RCAN2: variants seen among roughly 807,000 people sequenced by gnomAD.
RCAN2 encodes the protein calcipressin-2.
RCAN2 carries 9 observed loss-of-function variants against 23.6 expected under a neutral mutation model. The observed-to-expected ratio is 0.38, with a 90% CI of 0.23 to 0.67. The LOEUF is 0.67. RCAN2 is among the 30% of genes least tolerant of loss of function. RCAN2 has a pLI of 0.51. For missense variants in RCAN2, 273 were observed against 302.3 expected (o/e 0.90, Z 0.72); for synonymous variants, 109 against 115.7 (o/e 0.94, Z 0.37).
intron 1 of RCAN2, among the ~76,000 whole-genome samples, chr6:46,477,887 A>G (rs1176315253): frequency 6.6e-6 from 1 of 152,208 alleles, no homozygotes; most frequent in Non-Finnish European, 1.5e-5. Flanking sequence ...CTCTAAGTAT[A>G]TGCAAATGTT....
chr6:46,254,667 A>T (rs1407148913), intron 2 of RCAN2, among the ~76,000 whole-genome samples: 2 of 152,156 alleles, frequency 1.3e-5, no homozygotes, highest in Admixed American at 1.3e-4. Context: ...AATGAAACTA[A>T]CAAAGAGGGA....
intron 2 of RCAN2, among the ~76,000 whole-genome samples, chr6:46,348,596 C>T (rs916195927): frequency 6.6e-6 from 1 of 152,130 alleles, no homozygotes; most frequent in African/African-American, 2.4e-5. Flanking sequence ...GCTCAGGCTC[C>T]AATTTTGTTC....
At chr6:46,418,745 A>G (rs948057985) in intron 2 of RCAN2, among the ~76,000 whole-genome samples, 1 of 145,986 alleles carries the variant, frequency 6.8e-6, no homozygotes, top group Non-Finnish European at 1.5e-5. Flanking sequence ...TTGCAGGTAA[A>G]TGGATTAAGA....
chr6:46,236,247 C>T (rs1766089914), intron 4 of RCAN2, among the ~76,000 whole-genome samples: 1 of 152,178 alleles, frequency 6.6e-6, no homozygotes, highest in Admixed American at 6.5e-5. Flanking sequence ...AGGCTGCATC[C>T]CACGGTAGTG....
At chr6:46,458,603 T>C (rs1768115539) in intron 1 of RCAN2, among the ~76,000 whole-genome samples, 1 of 152,092 alleles carries the variant, frequency 6.6e-6, no homozygotes, top group Non-Finnish European at 1.5e-5. Flanking sequence ...TAAATAAAAA[T>C]ATGGTACATG....
intron 2 of RCAN2, among the ~76,000 whole-genome samples, chr6:46,361,092 A>G (rs1000617731): frequency 6.6e-6 from 1 of 152,230 alleles, no homozygotes; most frequent in South Asian, 2.1e-4. Context: ...CAAATTTCTG[A>G]ACACCTCTGT....
intron 2 of RCAN2, among the ~76,000 whole-genome samples, chr6:46,389,595 A>T (rs1765869147): frequency 6.6e-6 from 1 of 152,224 alleles, no homozygotes; most frequent in Non-Finnish European, 1.5e-5. Context: ...AGGGCTTAGT[A>T]CTTTGCTGAT....
At chr6:46,373,982 C>G (rs182421032) in intron 2 of RCAN2, among the ~76,000 whole-genome samples, 1 of 152,190 alleles carries the variant, frequency 6.6e-6, no homozygotes, top group Non-Finnish European at 1.5e-5. Context: ...CATGTCAACC[C>G]AGCACTTTGA....
At chr6:46,474,249 G>A (rs1561920533) in intron 1 of RCAN2, among the ~76,000 whole-genome samples, 1 of 152,048 alleles carries the variant, frequency 6.6e-6, no homozygotes, top group Non-Finnish European at 1.5e-5. Flanking sequence ...AACATTCCAG[G>A]CTAAGGAAAA....
At chr6:46,320,439 CA>C (rs2150361714) in intron 2 of RCAN2, among the ~76,000 whole-genome samples, 1 of 152,328 alleles carries the variant, frequency 6.6e-6, no homozygotes, top group South Asian at 2.1e-4. Context: ...GTTTGTATGA[CA>C]GAGAGATTTC....
chr6:46,414,447 G>A (rs1335329538), intron 2 of RCAN2, among the ~76,000 whole-genome samples: 2 of 152,208 alleles, frequency 1.3e-5, no homozygotes, highest in Non-Finnish European at 2.9e-5. Context: ...AGATGGCTAT[G>A]ATGGTTAAGC....
intron 4 of RCAN2, among the ~76,000 whole-genome samples, chr6:46,243,798 A>G (rs1302183699): frequency 8.1e-6 from 1 of 124,154 alleles, no homozygotes; most frequent in Non-Finnish European, 1.7e-5. Context: ...TGACAGGGTA[A>G]GATTCTGTCT....
intron 2 of RCAN2, among the ~76,000 whole-genome samples, chr6:46,306,178 G>A (rs187551372): frequency 1.3e-5 from 2 of 152,230 alleles, no homozygotes; most frequent in Admixed American, 1.3e-4. Flanking sequence ...GGGGCTGTAT[G>A]GCTCCAAGAC....
intron 4 of RCAN2, among the ~76,000 whole-genome samples, chr6:46,234,635 C>T (rs1393506593): frequency 6.6e-6 from 1 of 152,242 alleles, no homozygotes; most frequent in African/African-American, 2.4e-5. Context: ...AGAAAGGAGG[C>T]CAGGACCAAA....
chr6:46,353,468 T>C (rs539873231), intron 2 of RCAN2, among the ~76,000 whole-genome samples: 1 of 152,214 alleles, frequency 6.6e-6, no homozygotes, highest in African/African-American at 2.4e-5. Flanking sequence ...AGTAAATAAA[T>C]TCCAAAAGTA....
At chr6:46,290,234 G>A (rs1469967456) in intron 2 of RCAN2, among the ~76,000 whole-genome samples, 1 of 152,062 alleles carries the variant, frequency 6.6e-6, no homozygotes, top group African/African-American at 2.4e-5. Flanking sequence ...TATCCATTTG[G>A]TACTCTAAGA....
intron 2 of RCAN2, among the ~76,000 whole-genome samples, chr6:46,377,169 G>C (rs1203510425): frequency 6.6e-6 from 1 of 152,140 alleles, no homozygotes; most frequent in Non-Finnish European, 1.5e-5. Flanking sequence ...TCTGAAAGTG[G>C]GTGGGGGCAA....
chr6:46,271,986 C>T (rs1767536579), intron 2 of RCAN2, among the ~76,000 whole-genome samples: 2 of 152,180 alleles, frequency 1.3e-5, no homozygotes, highest in African/African-American at 4.8e-5. Context: ...CAGCCTTTAA[C>T]ACTGTTCAGA....
intron 2 of RCAN2, among the ~76,000 whole-genome samples, chr6:46,349,773 G>A (rs1460948240): frequency 1.3e-5 from 2 of 151,998 alleles, no homozygotes; most frequent in Non-Finnish European, 2.9e-5. Context: ...CTCTCACCTG[G>A]ACTAATGCCA....
Sources: allele counts gnomAD v4.1 joint callset (sites outside exome capture counted in the v4.1 genomes callset), GRCh38; gene constraint gnomAD v4.1.1; transcripts MANE v1.5; gene names NCBI Gene and HGNC (gene_info 2026-07-23, HGNC 2026-07-21).